CACNA1B: variants seen among roughly 807,000 people sequenced by gnomAD.
The protein encoded by CACNA1B is calcium voltage-gated channel subunit alpha1 B, also known as voltage-dependent N-type calcium channel subunit alpha-1B.
A neutral mutation model predicts 247.2 loss-of-function variants in CACNA1B; 70 were observed. The observed-to-expected ratio is 0.28, with a 90% CI of 0.23 to 0.35. The LOEUF (loss-of-function observed/expected upper bound fraction) is 0.35, where lower values mean the gene tolerates loss of function less well. CACNA1B is among the 10% of genes least tolerant of loss of function. The pLI is 1.00. For synonymous variants in CACNA1B, 1,231 were observed against 1,294.4 expected (o/e 0.95, Z 1.05); for missense variants, 2,367 against 3,197.4 (o/e 0.74, Z 6.26).
intron 36 of CACNA1B, among the ~76,000 whole-genome samples, chr9:138,090,568 G>C (rs1960841441): frequency 6.6e-6 from 1 of 151,824 alleles, no homozygotes; most frequent in Non-Finnish European, 1.5e-5. Context: ...TTGCATTTCA[G>C]TAAAAAGCTT....
At chr9:137,941,397 A>G (rs895593652) in intron 6 of CACNA1B, among the ~76,000 whole-genome samples, 6 of 152,238 alleles carry the variant, frequency 3.9e-5, no homozygotes, top group African/African-American at 1.2e-4. Context: ...GACCTCTACA[A>G]GGAAAACTAC....
chr9:137,971,052 GA>G lies in CACNA1B; in HGVS notation c.1334-326del, dbSNP rs1450914067. Among the ~76,000 whole-genome samples the G allele has an allele frequency of 6.6e-6, 1 of 152,184 alleles. No individual in the cohort carries two copies. Among genetic ancestry groups the G allele is most frequent in the East Asian group, 1.9e-4 (1 of 5,188 alleles). On this transcript the variant is annotated intron_variant, in intron 10 of 46. Transcript: ENST00000371372. The surrounding 1 kb of genome is among the most constrained non-coding windows in gnomAD (Gnocchi z 4.4). ...CTAACTCAGATTTATGTCTTCAGGGGAAAAAGCTTGGGGTGCTCATGGAGAG... is the reference window on the plus strand; with the variant it reads ...CTAACTCAGATTTATGTCTTCAGGGGAAAAGCTTGGGGTGCTCATGGAGAG...
At chr9:137,994,642 T>C (rs996755339) in intron 15 of CACNA1B, among the ~76,000 whole-genome samples, 3 of 152,134 alleles carry the variant, frequency 2.0e-5, no homozygotes, top group Non-Finnish European at 4.4e-5. Flanking sequence ...TACTTAGGAA[T>C]ATACCTAACC....
chr9:138,084,912 A>C (rs982136254), intron 36 of CACNA1B, among the ~76,000 whole-genome samples: 1 of 149,704 alleles, frequency 6.7e-6, no homozygotes, highest in Non-Finnish European at 1.5e-5. Flanking sequence ...AGATCACGCC[A>C]CTGCACTCCA....
chr9:137,953,372 GA>G (rs1450614032), intron 7 of CACNA1B, among the ~76,000 whole-genome samples: 2 of 152,228 alleles, frequency 1.3e-5, no homozygotes, highest in African/African-American at 2.4e-5. Flanking sequence ...CCAGGCTGGG[GA>G]TAGAGCCTGG....
chr9:138,053,730 C>T, intron 25 of CACNA1B, 116 bp from the exon 26 acceptor site: 1 of 670,928 alleles, frequency 1.5e-6, no homozygotes, highest in Non-Finnish European at 2.6e-6. Flanking sequence ...CCCACCTTGG[C>T]TTCACCCCCT....
chr9:137,921,926 G>C, intron 6 of CACNA1B, among the ~76,000 whole-genome samples: 1 of 146,420 alleles, frequency 6.8e-6, no homozygotes, highest in Non-Finnish European at 1.5e-5. Context: ...CGGAGAACAT[G>C]GTCAGCACCA....
intron 31 of CACNA1B, among the ~76,000 whole-genome samples, chr9:138,068,388 C>T (rs144220543): frequency 1.3e-3 from 197 of 152,246 alleles, no homozygotes; most frequent in African/African-American, 4.3e-3. Flanking sequence ...ATATGCTTTA[C>T]GATTTAAAAA....
At chr9:138,015,453 G>A (rs747879068) in intron 18 of CACNA1B, among the ~76,000 whole-genome samples, 2 of 146,824 alleles carry the variant, frequency 1.4e-5, no homozygotes, top group Non-Finnish European at 2.9e-5. Flanking sequence ...ATCTGTCCTC[G>A]TCTGCTTCCT....
chr9:137,912,996 G>A (rs1297954785), intron 3 of CACNA1B, among the ~76,000 whole-genome samples, 184 bp from the exon 4 acceptor site: 3 of 148,842 alleles, frequency 2.0e-5, no homozygotes, highest in African/African-American at 7.3e-5. Flanking sequence ...AAGCCGCTCT[G>A]TGCTGGCCCT....
intron 39 of CACNA1B, among the ~76,000 whole-genome samples, chr9:138,111,998 G>A (rs976182873): frequency 6.6e-6 from 1 of 151,714 alleles, no homozygotes; most frequent in African/African-American, 2.4e-5. Flanking sequence ...GTCAACTCCA[G>A]AAGGGAAGTT....
chr9:137,978,470 A>T (rs1458444175), intron 12 of CACNA1B, among the ~76,000 whole-genome samples: 1 of 146,046 alleles, frequency 6.8e-6, no homozygotes, highest in Non-Finnish European at 1.5e-5. Flanking sequence ...TGGGAGCACT[A>T]CCCCTTCCAT....
intron 36 of CACNA1B, among the ~76,000 whole-genome samples, chr9:138,087,384 C>CAAAAAAAAAAAAAAAAAAAAAAAA (rs58566171): frequency 1.9e-5 from 1 of 52,672 alleles, no homozygotes; most frequent in African/African-American, 6.5e-5. Context: ...GACTCTGTCT[C>CAAAAAAAAAAAAAAAAAAAAAAAA]AAAAAAAAAA....
At chr9:137,923,546 C>G (rs1957515575) in intron 6 of CACNA1B, among the ~76,000 whole-genome samples, 1 of 151,806 alleles carries the variant, frequency 6.6e-6, no homozygotes, top group Non-Finnish European at 1.5e-5. Context: ...CGTGCTATGG[C>G]TGTACCATGG....
rs565925175 is a variant in CACNA1B, at chr9:137,893,336, A to G, written c.530+10453A>G. Among the ~76,000 whole-genome samples the G allele has an allele frequency of 9.4e-5, 13 of 137,738 alleles. No homozygotes were observed. In the South Asian group the frequency reaches 2.3e-3, roughly 25 times the overall value. 90.4% of individuals were successfully genotyped at this position (137,738 alleles called of 152,430 possible). On this transcript the variant is annotated intron_variant, in intron 3 of 46. Coordinates refer to ENST00000371372, the MANE Select transcript of CACNA1B (RefSeq NM_000718.4). Reference sequence around the variant, plus strand: ...ATAAATCCAAGAACTAGACGCTGATATTAACAACTCCCCCCTTTAAAAAAA... The same window carrying G: ...ATAAATCCAAGAACTAGACGCTGATGTTAACAACTCCCCCCTTTAAAAAAA...
rs897437684 is a variant in CACNA1B, at chr9:137,882,389, C to G, written c.391-355C>G. 6.6e-6 allele frequency among the ~76,000 whole-genome samples: 1 copy of G among 152,208 alleles called. No homozygotes were observed. The highest frequency in any genetic ancestry group is 6.5e-5 in the Admixed American group (1 of 15,284). On this transcript the variant is annotated intron_variant, in intron 2 of 46. Transcript: ENST00000371372. The surrounding 1 kb of genome is among the most constrained non-coding windows in gnomAD (Gnocchi z 4.0). ...ACTAGTACTGTTACATCACTGTCTT[C>G]CCCGAAGCAAGGCCCACTGCATGGT...
chr9:137,893,428 A>G (rs1957132971), intron 3 of CACNA1B, among the ~76,000 whole-genome samples: 1 of 151,190 alleles, frequency 6.6e-6, no homozygotes, highest in Admixed American at 6.6e-5. Flanking sequence ...AGGTGGGCAG[A>G]TCACGAGGTC....
At chr9:138,024,719 C>T (rs1009182918) in intron 19 of CACNA1B, among the ~76,000 whole-genome samples, 1 of 152,154 alleles carries the variant, frequency 6.6e-6, no homozygotes, top group Non-Finnish European at 1.5e-5. Context: ...GCCTCAACTT[C>T]CCGGGCTGAA....
Position 138,017,017 on chromosome 9 carries a change from T to A in CACNA1B, c.2267+3782T>A, listed in dbSNP as rs1175752948. ...CCGTCTGACGGACGCGTCTGCGGCCTCCTGTCCAGATGCACATGGCAGCCT... is the reference window on the plus strand; with the variant it reads ...CCGTCTGACGGACGCGTCTGCGGCCACCTGTCCAGATGCACATGGCAGCCT... On this transcript the variant is annotated intron_variant, in intron 18 of 46. Transcript: ENST00000371372. 5 of 449,782 alleles carry A rather than the reference T, an allele frequency of 1.1e-5. No individual in the cohort carries two copies. In the East Asian group the frequency reaches 2.0e-4, roughly 18 times the overall value. The allele number at this position is 449,782 out of a possible 1,614,324, so 27.9% of individuals were successfully genotyped here. A position where few individuals can be genotyped will look rare whatever the true frequency, so the allele number is the denominator to read the frequency against.
Sources: gnomAD v4.1 joint callset for allele counts (sites outside exome capture counted in the v4.1 genomes callset) on GRCh38, gnomAD v4.1.1 for gene constraint, Gnocchi (gnomAD v3.1) non-coding constraint, MANE v1.5 for transcripts, NCBI Gene and HGNC (gene_info 2026-07-23, HGNC 2026-07-21) for gene names.